CNTN4: variants seen among roughly 807,000 people sequenced by gnomAD.
CNTN4 encodes the protein contactin-4.
CNTN4 carries 77 observed loss-of-function variants against 122.5 expected under a neutral mutation model. The ratio of observed to expected loss-of-function variants is 0.63; its 90% CI spans 0.52 to 0.76. The LOEUF is 0.76. Ranked by LOEUF, CNTN4 falls within the 30% of genes least tolerant of loss-of-function variation. The pLI is 0.00. For synonymous variants in CNTN4, 512 were observed against 447.0 expected, an observed-to-expected ratio of 1.15 and a Z score of -1.83; for missense variants, 1,256 against 1,259.1, an observed-to-expected ratio of 1.00 and a Z score of 0.04.
chr3:2,840,475 C>A (rs13068151), intron 7 of CNTN4, among the ~76,000 whole-genome samples: 4,413 of 145,840 alleles, frequency 0.03, 237 homozygotes, highest in African/African-American at 0.1. Context: ...CCGAGGCGGG[C>A]GGATCACGAG....
At chr3:2,669,134 T>G (rs1216143040) in intron 4 of CNTN4, among the ~76,000 whole-genome samples, 1 of 152,240 alleles carries the variant, frequency 6.6e-6, no homozygotes, top group Admixed American at 6.5e-5. Context: ...TTCCCTCTTT[T>G]TCTATTGATT....
intron 13 of CNTN4, among the ~76,000 whole-genome samples, chr3:2,934,150 C>T (rs929749318): frequency 1.3e-5 from 2 of 152,114 alleles, no homozygotes; most frequent in Non-Finnish European, 2.9e-5. Flanking sequence ...ACTTTTAGGC[C>T]ACTGTGGACC....
At chr3:2,471,132 C>T (rs1361275458) in intron 3 of CNTN4, among the ~76,000 whole-genome samples, 2 of 152,242 alleles carry the variant, frequency 1.3e-5, no homozygotes, top group East Asian at 3.9e-4. Flanking sequence ...AATCACAGCA[C>T]ATTTGATTTG....
At chr3:2,644,486 T>C (rs2083032100) in intron 4 of CNTN4, among the ~76,000 whole-genome samples, 1 of 152,114 alleles carries the variant, frequency 6.6e-6, no homozygotes, top group Non-Finnish European at 1.5e-5. Flanking sequence ...AGGGAGATGA[T>C]ATCTATCTTG....
At chr3:3,015,840 G>A (rs1002561701) in intron 14 of CNTN4, among the ~76,000 whole-genome samples, 8 of 152,184 alleles carry the variant, frequency 5.3e-5, no homozygotes, top group Admixed American at 2.0e-4. Flanking sequence ...GTAAATATTC[G>A]CTTACTTTTT....
chr3:2,679,215 G>A lies in CNTN4; in HGVS notation c.56-57000G>A, dbSNP rs2085035421. ...AGTTTATGTGTCATTTTATTTTAGA[G>A]GTAGTTAATTAAATTTAACACTAAT... On this transcript the variant is annotated intron_variant, in intron 4 of 24. Transcript: ENST00000418658. Among the ~76,000 whole-genome samples the A allele has an allele frequency of 2.0e-5, 3 of 152,028 alleles. No individual in the cohort carries two copies. The South Asian group carries it at 6.2e-4, about 31-fold the overall frequency.
intron 4 of CNTN4, among the ~76,000 whole-genome samples, chr3:2,686,707 A>G (rs1516390): frequency 0.45 from 68,753 of 151,982 alleles, 17,706 homozygotes; most frequent in Non-Finnish European, 0.58. Context: ...CTGCTTTCAC[A>G]TTTCACTAAA....
chr3:2,394,373 G>GA (rs1238867803), intron 3 of CNTN4, among the ~76,000 whole-genome samples: 1 of 152,090 alleles, frequency 6.6e-6, no homozygotes, highest in African/African-American at 2.4e-5. Flanking sequence ...GACTTATGTG[G>GA]AAAATCTCCT....
At chr3:2,591,425 CGG>C (rs2080475071) in intron 4 of CNTN4, among the ~76,000 whole-genome samples, 2 of 41,338 alleles carry the variant, frequency 4.8e-5, no homozygotes, top group East Asian at 4.7e-4. Flanking sequence ...AGTGCAGTGG[CGG>C]GATCTCGGCT....
intron 6 of CNTN4, among the ~76,000 whole-genome samples, chr3:2,810,362 C>A (rs905046417): frequency 2.0e-5 from 3 of 151,898 alleles, no homozygotes; most frequent in African/African-American, 4.8e-5. Flanking sequence ...AGTTAAGAAG[C>A]CTTCTTAACA....
At chr3:2,290,216 C>T (rs1035622069) in intron 2 of CNTN4, among the ~76,000 whole-genome samples, 6 of 152,018 alleles carry the variant, frequency 3.9e-5, no homozygotes, top group Admixed American at 3.9e-4. Context: ...AAGAGACAAG[C>T]GTTAGAATTG....
At chr3:2,830,473 C>T (rs1199560898) in intron 7 of CNTN4, among the ~76,000 whole-genome samples, 1 of 152,150 alleles carries the variant, frequency 6.6e-6, no homozygotes, top group African/African-American at 2.4e-5. Context: ...GGACCACATG[C>T]AGAGCTTTTT....
At chr3:2,325,447 T>C (rs1227797915) in intron 2 of CNTN4, among the ~76,000 whole-genome samples, 1 of 152,220 alleles carries the variant, frequency 6.6e-6, no homozygotes, top group African/African-American at 2.4e-5. Context: ...TAAAACTCTT[T>C]AGCATTCTCC....
At chr3:2,341,253 T>A (rs1626294) in intron 3 of CNTN4, among the ~76,000 whole-genome samples, 138,599 of 152,220 alleles carry the variant, frequency 0.91, 63,535 homozygotes, top group East Asian at 1. Context: ...ACTGAACTCA[T>A]ATCCCTGTTA....
intron 2 of CNTN4, among the ~76,000 whole-genome samples, chr3:2,265,295 T>C (rs564602690): frequency 6.6e-6 from 1 of 152,242 alleles, no homozygotes; most frequent in African/African-American, 2.4e-5. Flanking sequence ...ATTTTTGCAA[T>C]TGGACATTGT....
chr3:2,391,336 C>G (rs539859548), intron 3 of CNTN4, among the ~76,000 whole-genome samples: 3 of 152,290 alleles, frequency 2.0e-5, no homozygotes, highest in East Asian at 3.9e-4. Flanking sequence ...TAAATCCACG[C>G]AAGCCCCTTT....
At chr3:2,860,303 G>T (rs1207898897) in intron 7 of CNTN4, among the ~76,000 whole-genome samples, 2 of 152,200 alleles carry the variant, frequency 1.3e-5, no homozygotes, top group South Asian at 4.1e-4. Flanking sequence ...TCTGTGTCTG[G>T]CAGAGTCAAT....
intron 4 of CNTN4, among the ~76,000 whole-genome samples, chr3:2,704,229 G>A (rs1482181281): frequency 2.0e-5 from 3 of 150,754 alleles, no homozygotes; most frequent in South Asian, 4.2e-4. Context: ...CCTGGGAGGC[G>A]GAGGTTGCAG....
chr3:2,394,785 T>G (rs1310060804), intron 3 of CNTN4, among the ~76,000 whole-genome samples: 1 of 21,334 alleles, frequency 4.7e-5, no homozygotes, highest in African/African-American at 8.4e-5. Flanking sequence ...CTTATATTAG[T>G]TTTTTTTTTT....
Sources: gnomAD v4.1 joint callset for allele counts (sites outside exome capture counted in the v4.1 genomes callset) on GRCh38, gnomAD v4.1.1 for gene constraint, MANE v1.5 for transcripts, NCBI Gene and HGNC (gene_info 2026-07-23, HGNC 2026-07-21) for gene names.